DEPDC4: variants seen among roughly 807,000 people sequenced by gnomAD.
The protein encoded by DEPDC4 is DEP domain containing 4, also known as DEP domain-containing protein 4.
DEPDC4 carries 52 observed loss-of-function variants against 52.0 expected under a neutral mutation model. The ratio of observed to expected loss-of-function variants is 1.00; its 90% CI spans 0.80 to 1.26. The LOEUF (loss-of-function observed/expected upper bound fraction) is 1.26. DEPDC4 is among the 50% of genes most tolerant of loss of function. The pLI, the probability that DEPDC4 is intolerant of heterozygous loss-of-function variation, is 0.00. For missense variants in DEPDC4, 530 were observed against 546.9 expected (o/e 0.97, Z 0.31); for synonymous variants, 201 against 196.8 (o/e 1.02, Z -0.18).
intron 8 of DEPDC4, among the ~76,000 whole-genome samples, chr12:100,248,468 A>T (rs2096194895): frequency 6.6e-6 from 1 of 152,240 alleles, no homozygotes; most frequent in African/African-American, 2.4e-5. Context: ...AATGAAAAGA[A>T]TCATGGAGTC....
the DEPDC4 span, among the ~76,000 whole-genome samples, chr12:100,280,691 G>A: frequency 5.3e-5 from 8 of 152,084 alleles, no homozygotes; most frequent in South Asian, 4.1e-4. Flanking sequence ...TGAAACTTTT[G>A]AGCAGTGATA....
intron 8 of DEPDC4, among the ~76,000 whole-genome samples, chr12:100,244,093 GTGTATATATATATATATATATATATA>G (rs370430130): frequency 0.058 from 5,212 of 89,328 alleles, 544 homozygotes; most frequent in African/African-American, 0.19. Flanking sequence ...CTCTCTCTCT[GTGTATATATATATATATATATATATA>G]TATATATATA....
At chr12:100,271,279 A>AG (rs1216152069), upstream of DEPDC4, among the ~76,000 whole-genome samples, 3 of 151,062 alleles carry the variant, frequency 2.0e-5, no homozygotes, top group East Asian at 1.9e-4. Flanking sequence ...AAAAAAAAAA[A>AG]AAAGAGAGAG....
At chr12:100,271,598 T>C (rs180708909), upstream of DEPDC4, among the ~76,000 whole-genome samples, 1 of 152,350 alleles carries the variant, frequency 6.6e-6, no homozygotes, top group East Asian at 1.9e-4. Context: ...TTCTTTGTAG[T>C]CAGTGTCTAT....
At chr12:100,235,897 G>T (rs947983234), downstream of DEPDC4, among the ~76,000 whole-genome samples, 4 of 152,106 alleles carry the variant, frequency 2.6e-5, no homozygotes, top group Admixed American at 6.6e-5. Flanking sequence ...TTAGGCCTTT[G>T]CATTCTCATA....
chr12:100,238,000 T>C, downstream of DEPDC4: 1 of 914,292 alleles, frequency 1.1e-6, no homozygotes, highest in African/African-American at 1.8e-5. Context: ...ATGGCAACTT[T>C]CCAAATAAGG....
At chr12:100,263,014 G>T (rs961919661) in intron 2 of DEPDC4, among the ~76,000 whole-genome samples, 3 of 152,172 alleles carry the variant, frequency 2.0e-5, no homozygotes, top group African/African-American at 7.2e-5. Flanking sequence ...CTGGAGTACA[G>T]TGGCACAATC....
intron 4 of DEPDC4, among the ~76,000 whole-genome samples, chr12:100,254,477 C>T (rs1156772815): frequency 6.6e-6 from 1 of 151,200 alleles, no homozygotes; most frequent in Non-Finnish European, 1.5e-5. Context: ...AGGCGTGCAC[C>T]ATCACGCCAG....
chr12:100,258,854 C>T lies in DEPDC4; in HGVS notation c.701-2628G>A, dbSNP rs138937814. Among the ~76,000 whole-genome samples, 670 of 151,994 alleles carry T rather than the reference C, an allele frequency of 4.4e-3. 1 individual carries two copies. Among genetic ancestry groups the T allele is most frequent in the Non-Finnish European group, 6.8e-3 (460 of 67,974 alleles). On this transcript the variant is annotated intron_variant, in intron 3 of 9. Coordinates refer to ENST00000550587, the MANE Select transcript of DEPDC4 (RefSeq NM_001364818.2). ...GGGAGGTTGCAGTGGTCAGATTGCT[C>T]GAGGCCAAAAGTTCGAGACCAGCCT...
At chr12:100,240,012 A>G (rs575711065), downstream of DEPDC4, among the ~76,000 whole-genome samples, 1 of 152,240 alleles carries the variant, frequency 6.6e-6, no homozygotes, top group Non-Finnish European at 1.5e-5. Flanking sequence ...AAGCATTCTA[A>G]TTCAAGATGA....
downstream of DEPDC4, chr12:100,238,027 G>A: frequency 1.0e-6 from 1 of 978,808 alleles, no homozygotes; most frequent in Non-Finnish European, 1.2e-6. Context: ...CTATCGAAGA[G>A]GGCTTGGTGG....
intron 4 of DEPDC4, among the ~76,000 whole-genome samples, chr12:100,254,078 A>G (rs2096220918): frequency 6.6e-6 from 1 of 152,052 alleles, no homozygotes; most frequent in Non-Finnish European, 1.5e-5. Context: ...TAAGATACCA[A>G]ATATTTCCCC....
intron 1 of DEPDC4, among the ~76,000 whole-genome samples, chr12:100,264,915 A>C (rs992851165): frequency 3.9e-5 from 6 of 152,168 alleles, no homozygotes; most frequent in African/African-American, 1.4e-4. Flanking sequence ...CACATGCTGA[A>C]CTTACTCTCC....
chr12:100,257,934 G>A (rs565969883), intron 3 of DEPDC4: 2 of 152,078 alleles, frequency 1.3e-5, no homozygotes, highest in Non-Finnish European at 2.9e-5. Context: ...GAAAATTAAT[G>A]TATAAAAACG....
At chr12:100,279,639 A>G in the DEPDC4 span, among the ~76,000 whole-genome samples, 3 of 152,046 alleles carry the variant, frequency 2.0e-5, no homozygotes, top group Non-Finnish European at 4.4e-5. Flanking sequence ...TTGATTTTAG[A>G]GTGGATTTAG....
chr12:100,237,277 G>A (rs147764592), downstream of DEPDC4, among the ~76,000 whole-genome samples: 819 of 150,450 alleles, frequency 5.4e-3, 4 homozygotes, highest in African/African-American at 0.019. Context: ...GCGTGATCTC[G>A]GCTCACCGCA....
At chr12:100,252,961 G>A (rs2096214686) in intron 5 of DEPDC4, among the ~76,000 whole-genome samples, 1 of 152,244 alleles carries the variant, frequency 6.6e-6, no homozygotes, top group South Asian at 2.1e-4. Context: ...CTGTCGCCCA[G>A]GCTGGTGCGC....
chr12:100,244,432 C>T (rs1203145496), intron 8 of DEPDC4, among the ~76,000 whole-genome samples: 2 of 151,538 alleles, frequency 1.3e-5, no homozygotes, highest in Non-Finnish European at 2.9e-5. Context: ...CCACCCGCCT[C>T]GGCCTCCCAA....
downstream of DEPDC4, among the ~76,000 whole-genome samples, chr12:100,238,508 CT>C (rs374449171): frequency 0.041 from 4,354 of 107,176 alleles, 97 homozygotes; most frequent in African/African-American, 0.14. Context: ...TAGCTTAGTG[CT>C]TTTTTTTTTT....
Sources: allele counts gnomAD v4.1 joint callset (sites outside exome capture counted in the v4.1 genomes callset), GRCh38; gene constraint gnomAD v4.1.1; transcripts MANE v1.5; gene names NCBI Gene and HGNC (gene_info 2026-07-23, HGNC 2026-07-21).